Variants in DNAH17 observed in about 807,000 individuals in gnomAD.
The protein encoded by DNAH17 is axonemal beta dynein heavy chain 17.
DNAH17 carries 376 observed loss-of-function variants against 485.6 expected under a neutral mutation model. That is an observed-to-expected ratio of 0.77 (90% confidence interval 0.71 to 0.84). The LOEUF (loss-of-function observed/expected upper bound fraction) is 0.84. DNAH17 is among the 40% of genes least tolerant of loss of function. The pLI is 0.00. For synonymous variants in DNAH17, 3,031 were observed against 2,405.9 expected (o/e 1.26, Z -7.60); for missense variants, 6,370 against 5,839.3 (o/e 1.09, Z -2.96).
At position 78,433,905 on chromosome 17, in the gene DNAH17, CAAAAGGAAAGGGAG is replaced by C. The variant is rs1299117437; in HGVS notation, c.12225+110_12225+123del. On this transcript the variant is annotated intron_variant, in intron 75 of 80. Coordinates refer to ENST00000389840, the MANE Select transcript of DNAH17 (RefSeq NM_173628.4). ...TGTCTTTTAAGCCTAAGACAAAGAC[CAAAAGGAAAGGGAG>C]GGAAGGAAGGAGGGAGGGAAGGAGG... The C allele has an allele frequency of 1.4e-5, 8 of 567,048 alleles. No homozygotes were observed. The African/African-American group carries it at 2.2e-4, about 16-fold the overall frequency. The allele number at this position is 567,048 out of a possible 1,614,324, so 35.1% of individuals were successfully genotyped here.
At chr17:78,557,953 G>A (rs924891670) in intron 14 of DNAH17, among the ~76,000 whole-genome samples, 155 bp downstream of exon 14, 2 of 152,114 alleles carry the variant, frequency 1.3e-5, no homozygotes, top group African/African-American at 4.8e-5. Flanking sequence ...CACATAGCAG[G>A]TACTCAGTAA....
chr17:78,522,682 A>C (rs2090964091), intron 25 of DNAH17: 1 of 208,102 alleles, frequency 4.8e-6, no homozygotes, highest in Non-Finnish European at 1.0e-5. Flanking sequence ...CATGCACGGA[A>C]ATTCCAAAGT....
At chr17:78,463,398 G>A (rs573922259) in intron 56 of DNAH17, among the ~76,000 whole-genome samples, 40 of 152,072 alleles carry the variant, frequency 2.6e-4, no homozygotes, top group South Asian at 1.5e-3. Flanking sequence ...ATATATACGC[G>A]TGCACACGCA....
chr17:78,502,980 C>T lies in DNAH17; in HGVS notation c.4988G>A (p.Arg1663Gln), dbSNP rs774026187. The T allele has an allele frequency of 1.2e-5, 20 of 1,613,788 alleles. No individual in the cohort carries two copies. The highest frequency in any genetic ancestry group is 8.8e-5 in the South Asian group (8 of 91,056). Reference sequence around the variant, plus strand: ...TTCGTGCCGGAGGGTAGAGCACATTCGGTCCAGCACTCGATTCAGCCACAC... The same window carrying T: ...TTCGTGCCGGAGGGTAGAGCACATTTGGTCCAGCACTCGATTCAGCCACAC... ...VEVWLNRVLD[R>Q]MCSTLRHEIP... The change falls in exon 32 of 81, where the codon CGA (arginine) becomes CAA (glutamine). Residue 1663 changes from arginine to glutamine, a missense_variant. Coordinates refer to ENST00000389840, the MANE Select transcript of DNAH17 (RefSeq NM_173628.4).
intron 65 of DNAH17, among the ~76,000 whole-genome samples, chr17:78,453,132 C>T (rs751323225): frequency 6.6e-6 from 1 of 152,196 alleles, no homozygotes; most frequent in Non-Finnish European, 1.5e-5. Context: ...AAAATGTTGG[C>T]GGAGATATTC....
At chr17:78,434,450 C>T (rs1460451945) in intron 74 of DNAH17, among the ~76,000 whole-genome samples, 1 of 152,130 alleles carries the variant, frequency 6.6e-6, no homozygotes, top group African/African-American at 2.4e-5. Flanking sequence ...CAATTTTATC[C>T]CTTTTAAGTA....
chr17:78,466,854 C>G, intron 55 of DNAH17, 38 bp from the exon 56 acceptor site: 1 of 1,512,432 alleles, frequency 6.6e-7, no homozygotes, highest in Non-Finnish European at 8.9e-7. Context: ...CCTACTGGGA[C>G]TGCAGTGCTG....
intron 44 of DNAH17, among the ~76,000 whole-genome samples, chr17:78,488,481 T>C (rs1353668431): frequency 3.3e-5 from 5 of 152,182 alleles, no homozygotes; most frequent in Non-Finnish European, 7.4e-5. Flanking sequence ...TGGCTCCCTC[T>C]TCTCTGCTCC....
intron 37 of DNAH17, among the ~76,000 whole-genome samples, chr17:78,498,111 A>G (rs1369494958): frequency 6.6e-6 from 1 of 151,038 alleles, no homozygotes; most frequent in African/African-American, 2.4e-5. Context: ...ATTGCACTCC[A>G]GCCTGGGCAA....
chr17:78,468,866 C>A lies in DNAH17; in HGVS notation c.8529G>T (p.Gln2843His), dbSNP rs779463879. Residue 2843 changes from glutamine to histidine, a missense_variant, in exon 55 of 81, where the codon CAG (glutamine) becomes CAT (histidine). Coordinates refer to ENST00000389840, the MANE Select transcript of DNAH17 (RefSeq NM_173628.4). ...CGTTCTTCACGGCAGCCTTTATGTA[C>A]TGAGCAGCGAGGTCAATCTGGACGG... is the stretch of plus-strand genomic sequence containing the variant. Reference protein sequence around the residue: ...IPDLKIDLAAQYIKAAVKNVP... With the variant: ...IPDLKIDLAAHYIKAAVKNVP... 8 of 1,613,578 alleles carry A rather than the reference C, an allele frequency of 5.0e-6. No individual in the cohort carries two copies. The highest frequency in any genetic ancestry group is 6.8e-6 in the Non-Finnish European group (8 of 1,179,860).
At chr17:78,513,368 T>G (rs2090688279) in intron 26 of DNAH17, among the ~76,000 whole-genome samples, 1 of 152,204 alleles carries the variant, frequency 6.6e-6, no homozygotes. Flanking sequence ...TAGTTTGAAA[T>G]AGTCCTGCAA....
intron 2 of DNAH17, 55 bp downstream of exon 2, chr17:78,574,658 C>T: frequency 6.7e-7 from 1 of 1,489,482 alleles, no homozygotes. Flanking sequence ...CTCAAGGCCG[C>T]TCCCGAGAAG....
intron 3 of DNAH17, among the ~76,000 whole-genome samples, chr17:78,571,992 C>T (rs192998559): frequency 4.0e-4 from 61 of 152,260 alleles, no homozygotes; most frequent in African/African-American, 1.3e-3. Flanking sequence ...AAATAATGGG[C>T]GTGGTCAGAG....
At chr17:78,446,712 C>T (rs1201700000) in intron 69 of DNAH17, among the ~76,000 whole-genome samples, 2 of 152,204 alleles carry the variant, frequency 1.3e-5, no homozygotes, top group South Asian at 2.1e-4. Context: ...AGCGCAATCT[C>T]GGCTCACTGC....
chr17:78,502,342 G>T, intron 33 of DNAH17: 2 of 393,958 alleles, frequency 5.1e-6, no homozygotes, highest in Middle Eastern at 3.2e-4. Context: ...AGTAGCATCT[G>T]CCAATTTTCA....
chr17:78,458,260 T>A (rs2087907136), intron 62 of DNAH17, among the ~76,000 whole-genome samples: 1 of 152,208 alleles, frequency 6.6e-6, no homozygotes, highest in African/African-American at 2.4e-5. Context: ...GAAAGGATCC[T>A]GGAAGCCACG....
At chr17:78,512,212 C>G (rs926757785) in intron 26 of DNAH17, among the ~76,000 whole-genome samples, 1 of 152,252 alleles carries the variant, frequency 6.6e-6, no homozygotes, top group Non-Finnish European at 1.5e-5. Context: ...CTAAGCATTG[C>G]CGCTGTGCAG....
At chr17:78,502,303 C>T in intron 33 of DNAH17, 1 of 354,250 alleles carries the variant, frequency 2.8e-6, no homozygotes, top group East Asian at 5.5e-5. Context: ...ATATTTCTAA[C>T]CAAGGACATT....
intron 51 of DNAH17, 125 bp downstream of exon 51, chr17:78,478,900 T>G: frequency 1.3e-6 from 1 of 741,896 alleles, no homozygotes; most frequent in Middle Eastern, 2.4e-4. Flanking sequence ...ATTATCATCA[T>G]TATCATTACC....
Sources: gnomAD v4.1 joint callset for allele counts (sites outside exome capture counted in the v4.1 genomes callset) on GRCh38, gnomAD v4.1.1 for gene constraint, MANE v1.5 for transcripts, NCBI Gene and HGNC (gene_info 2026-07-23, HGNC 2026-07-21) for gene names.